ATXN1: variants seen among roughly 807,000 people sequenced by gnomAD.
ATXN1 encodes the protein ataxin-1.
A neutral mutation model predicts 56.4 loss-of-function variants in ATXN1; 8 were observed. The ratio of observed to expected loss-of-function variants is 0.14; its 90% confidence interval spans 0.08 to 0.26. The LOEUF is 0.26. Among genes scored for constraint, ATXN1 ranks in the 10% least tolerant of loss-of-function variants. The probability of loss-of-function intolerance (pLI) is 1.00; values close to 1 mark genes in which losing one functional copy is unlikely to be tolerated. For missense variants in ATXN1, 987 were observed against 1,106.5 expected (o/e 0.89, Z 1.53); for synonymous variants, 514 against 494.6 (o/e 1.04, Z -0.52).
intron 2 of ATXN1, among the ~76,000 whole-genome samples, chr6:16,672,161 A>G (rs1758552771): frequency 6.6e-6 from 1 of 152,156 alleles, no homozygotes; most frequent in South Asian, 2.1e-4. Flanking sequence ...TCTGGTCTAG[A>G]GTTTCCTCCC....
intron 3 of ATXN1, among the ~76,000 whole-genome samples, chr6:16,653,258 TGGAACAAGAGGCGGAC>T (rs1758109925): frequency 6.6e-6 from 1 of 152,202 alleles, no homozygotes; most frequent in Non-Finnish European, 1.5e-5. Flanking sequence ...ATGCCCTTGC[TGGAACAAGAGGCGGAC>T]GGAAGGAGAG....
At chr6:16,477,940 A>G (rs1300510810) in intron 6 of ATXN1, among the ~76,000 whole-genome samples, 2 of 152,124 alleles carry the variant, frequency 1.3e-5, no homozygotes, top group Non-Finnish European at 2.9e-5. Context: ...ATCCTCTTTG[A>G]GCAAGGTGAC....
chr6:16,351,785 A>C (rs529344355), intron 6 of ATXN1, among the ~76,000 whole-genome samples: 1 of 152,310 alleles, frequency 6.6e-6, no homozygotes, highest in Non-Finnish European at 1.5e-5. Context: ...TCAGTATCGC[A>C]GCTTGAGCCT....
chr6:16,675,693 T>C (rs1277472269), intron 2 of ATXN1, among the ~76,000 whole-genome samples: 1 of 151,946 alleles, frequency 6.6e-6, no homozygotes, highest in East Asian at 1.9e-4. Flanking sequence ...CCAGTCTGAC[T>C]GACATGGTGA....
At chr6:16,521,696 G>T (rs1254884344) in intron 5 of ATXN1, among the ~76,000 whole-genome samples, 1 of 152,242 alleles carries the variant, frequency 6.6e-6, no homozygotes, top group Admixed American at 6.5e-5. Context: ...GGGTGTGTGG[G>T]TCTGCAGCTG....
intron 4 of ATXN1, among the ~76,000 whole-genome samples, chr6:16,554,426 A>C (rs962623852): frequency 6.6e-6 from 1 of 152,182 alleles, no homozygotes; most frequent in Non-Finnish European, 1.5e-5. Context: ...TCCAAAATGC[A>C]AATGAAATGC....
At chr6:16,559,721 T>C (rs1343860854) in intron 4 of ATXN1, among the ~76,000 whole-genome samples, 2 of 152,132 alleles carry the variant, frequency 1.3e-5, no homozygotes, top group Admixed American at 1.3e-4. Flanking sequence ...ACCTTCTGTA[T>C]ATCTAGCAAT....
At chr6:16,309,239 A>T (rs141260739) in intron 7 of ATXN1, among the ~76,000 whole-genome samples, 1,485 of 148,474 alleles carry the variant, frequency 0.01, 20 homozygotes, top group South Asian at 0.033. Flanking sequence ...AAAAAAAAAA[A>T]AAATAAATAA....
intron 2 of ATXN1, chr6:16,739,738 A>C (rs1273891837): frequency 2.3e-6 from 1 of 443,250 alleles, no homozygotes; most frequent in African/African-American, 2.0e-5. Context: ...GATGTCGTCC[A>C]AGAGGAGGTC....
At position 16,506,179 on chromosome 6, in the gene ATXN1, A is replaced by G. The variant is rs1760979161; in HGVS notation, c.-299+16448T>C. Among the ~76,000 whole-genome samples the G allele has an allele frequency of 2.0e-5, 3 of 152,382 alleles. No homozygotes were observed. Among genetic ancestry groups the G allele is most frequent in the Admixed American group, 6.5e-5 (1 of 15,310 alleles). Reference sequence around the variant, plus strand: ...ATAGAAAATATTTCTAGGGTAGCACAGAAGTTTGGCCTTTTCGCTGGTGAT... The same window carrying G: ...ATAGAAAATATTTCTAGGGTAGCACGGAAGTTTGGCCTTTTCGCTGGTGAT... On this transcript the variant is annotated intron_variant, in intron 5 of 7. Transcript: ENST00000436367. The surrounding 1 kb of genome is among the most constrained non-coding windows in gnomAD (Gnocchi z 4.1).
intron 6 of ATXN1, among the ~76,000 whole-genome samples, chr6:16,444,009 G>A (rs1020771793): frequency 2.6e-5 from 4 of 151,978 alleles, no homozygotes; most frequent in South Asian, 2.1e-4. Context: ...CCAGCTACTC[G>A]GGAGGCTGAG....
At chr6:16,420,097 T>C (rs1759001309) in intron 6 of ATXN1, among the ~76,000 whole-genome samples, 1 of 152,232 alleles carries the variant, frequency 6.6e-6, no homozygotes, top group Non-Finnish European at 1.5e-5. Flanking sequence ...TGCTGCAGCA[T>C]AAGTGATCGA....
chr6:16,495,665 C>T (rs1760764289), intron 5 of ATXN1, among the ~76,000 whole-genome samples: 1 of 152,242 alleles, frequency 6.6e-6, no homozygotes, highest in East Asian at 1.9e-4. Context: ...GAGTTCAAGA[C>T]CAGCCTGGCC....
intron 6 of ATXN1, among the ~76,000 whole-genome samples, chr6:16,420,363 C>CT (rs1759006663): frequency 6.6e-6 from 1 of 152,208 alleles, no homozygotes; most frequent in Non-Finnish European, 1.5e-5. Flanking sequence ...CATTTACTGT[C>CT]TGTATCACTT....
At chr6:16,550,695 C>G (rs1347097648) in intron 4 of ATXN1, among the ~76,000 whole-genome samples, 2 of 152,048 alleles carry the variant, frequency 1.3e-5, no homozygotes, top group Non-Finnish European at 2.9e-5. Context: ...ACCACAGAGC[C>G]AAAATACTCA....
chr6:16,612,889 T>TA (rs754223145), intron 3 of ATXN1, among the ~76,000 whole-genome samples: 4,425 of 129,402 alleles, frequency 0.034, 116 homozygotes, highest in Middle Eastern at 0.054. Context: ...GACTCTGTCT[T>TA]AAAAAAAAAA....
chr6:16,639,040 T>C (rs2113818540), intron 3 of ATXN1, among the ~76,000 whole-genome samples: 1 of 152,296 alleles, frequency 6.6e-6, no homozygotes, highest in Middle Eastern at 3.4e-3. Context: ...AACACACCAA[T>C]CAGCGCTCTG....
At chr6:16,384,937 C>A (rs370724294) in intron 6 of ATXN1, among the ~76,000 whole-genome samples, 20 of 152,292 alleles carry the variant, frequency 1.3e-4, no homozygotes, top group African/African-American at 4.8e-4. Flanking sequence ...CAGAGATGGT[C>A]AAGAGAACAG....
At chr6:16,490,957 C>T (rs1395373243) in intron 5 of ATXN1, among the ~76,000 whole-genome samples, 1 of 152,152 alleles carries the variant, frequency 6.6e-6, no homozygotes, top group Non-Finnish European at 1.5e-5. Flanking sequence ...TTTCTTTAGC[C>T]ACCTCTTACA....
Sources: allele counts gnomAD v4.1 joint callset (sites outside exome capture counted in the v4.1 genomes callset), GRCh38; gene constraint gnomAD v4.1.1; non-coding constraint Gnocchi (gnomAD v3.1); transcripts MANE v1.5; gene names NCBI Gene and HGNC (gene_info 2026-07-23, HGNC 2026-07-21).